The following SPATA13 variants were observed in gnomAD, a reference collection of about 807,000 sequenced individuals.
The protein encoded by SPATA13 is spermatogenesis-associated protein 13.
In SPATA13, 50 loss-of-function variants were observed where a neutral mutation model predicts 104.0. That is an observed-to-expected ratio of 0.48 (90% CI 0.38 to 0.61). The LOEUF (loss-of-function observed/expected upper bound fraction) is 0.61. SPATA13 is among the 20% of genes least tolerant of loss of function. The pLI, the probability that SPATA13 is intolerant of heterozygous loss-of-function variation, is 0.00. For synonymous variants in SPATA13, 606 were observed against 667.5 expected, an observed-to-expected ratio of 0.91 and a Z score of 1.42; for missense variants, 1,524 against 1,690.6, an observed-to-expected ratio of 0.90 and a Z score of 1.73.
chr13:24,198,503 T>A (rs1870215507), intron 1 of SPATA13, among the ~76,000 whole-genome samples: 1 of 152,218 alleles, frequency 6.6e-6, no homozygotes, highest in Non-Finnish European at 1.5e-5. Flanking sequence ...TCAGACGCAG[T>A]TAATAAAATC....
intron 4 of SPATA13, chr13:24,254,311 C>G (rs1400726819): frequency 1.3e-5 from 2 of 152,152 alleles, no homozygotes; most frequent in Non-Finnish European, 2.9e-5. Context: ...ATTAAGTAAT[C>G]CTAAGAAGCC....
chr13:24,163,583 T>C (rs1210093391), intron 1 of SPATA13, among the ~76,000 whole-genome samples: 1 of 152,240 alleles, frequency 6.6e-6, no homozygotes, highest in Non-Finnish European at 1.5e-5. Flanking sequence ...CAAACATTTC[T>C]TTTTTAGTCT....
chr13:23,999,336 A>G (rs1042294311), intron 2 of SPATA13, among the ~76,000 whole-genome samples: 1 of 130,174 alleles, frequency 7.7e-6, no homozygotes, highest in Non-Finnish European at 1.6e-5. Context: ...TTGCATTTCC[A>G]TGTGTTTTAG....
At chr13:24,152,180 C>T (rs1882116678) in intron 3 of SPATA13, among the ~76,000 whole-genome samples, 1 of 152,232 alleles carries the variant, frequency 6.6e-6, no homozygotes, top group South Asian at 2.1e-4. Flanking sequence ...GATCAAGGCA[C>T]CTGTAGATTC....
In SPATA13 at chr13:24,292,927, C is replaced by T. The variant is rs1490947827; in HGVS notation, c.3081-1812C>T. 4.1e-5 allele frequency among the ~76,000 whole-genome samples: 5 copies of T among 121,222 alleles called. No homozygotes were observed. In the Admixed American group the frequency reaches 4.5e-4, roughly 11 times the overall value. 79.5% of individuals were successfully genotyped at this position (121,222 alleles called of 152,430 possible). ...ACGAAAATCGCTTGAACCCAGGAGG[C>T]GGAGGTTGCAATGAGCCGAGATCGC... On this transcript the variant is annotated intron_variant, in intron 9 of 12. Coordinates refer to ENST00000382108, the MANE Select transcript of SPATA13 (RefSeq NM_001166271.3).
chr13:24,144,590 G>T (rs570174408), intron 3 of SPATA13, among the ~76,000 whole-genome samples: 1 of 152,228 alleles, frequency 6.6e-6, no homozygotes, highest in South Asian at 2.1e-4. Flanking sequence ...AGCAGCTCTT[G>T]GGGGCTCTTT....
chr13:24,155,982 G>A (rs1882245853), upstream of SPATA13, among the ~76,000 whole-genome samples: 1 of 152,036 alleles, frequency 6.6e-6, no homozygotes, highest in South Asian at 2.1e-4. Flanking sequence ...ATGTCCTCAG[G>A]GTCCACCTGT....
intron 4 of SPATA13, among the ~76,000 whole-genome samples, chr13:24,254,689 G>T (rs912146): frequency 3.9e-5 from 6 of 152,024 alleles, no homozygotes; most frequent in African/African-American, 1.2e-4. Flanking sequence ...TCAGCTTTCC[G>T]CAAGGGGCTG....
intron 3 of SPATA13, among the ~76,000 whole-genome samples, chr13:24,148,244 G>A (rs576895847): frequency 3.9e-5 from 6 of 152,236 alleles, no homozygotes; most frequent in South Asian, 2.1e-4. Flanking sequence ...GATTACGATC[G>A]TTACTATTGT....
chr13:24,279,810 T>G (rs9511176), intron 4 of SPATA13, among the ~76,000 whole-genome samples: 136,164 of 152,144 alleles, frequency 0.89, 61,356 homozygotes, highest in South Asian at 0.95. Flanking sequence ...CACTCCAGGC[T>G]CCATGACTTT....
At chr13:24,055,602 G>T (rs1349214691) in intron 3 of SPATA13, among the ~76,000 whole-genome samples, 2 of 152,204 alleles carry the variant, frequency 1.3e-5, no homozygotes, top group Non-Finnish European at 2.9e-5. Context: ...GGGATTCTGG[G>T]ATGGTGGCAG....
chr13:24,122,053 GA>G, intron 3 of SPATA13: 1 of 1,552,410 alleles, frequency 6.4e-7, no homozygotes, highest in Non-Finnish European at 8.9e-7. Context: ...CAGCAGGAAA[GA>G]AAGAGATAAC....
At chr13:24,046,386 G>A (rs1338431245) in intron 3 of SPATA13, among the ~76,000 whole-genome samples, 1 of 150,796 alleles carries the variant, frequency 6.6e-6, no homozygotes, top group Non-Finnish European at 1.5e-5. Flanking sequence ...TCTGACTCCT[G>A]GGGTTCAAAT....
At chr13:24,175,809 T>TG (rs1868402767) in intron 1 of SPATA13, among the ~76,000 whole-genome samples, 1 of 152,222 alleles carries the variant, frequency 6.6e-6, no homozygotes, top group South Asian at 2.1e-4. Context: ...GTCATTTTTC[T>TG]TCTCCCACAG....
chr13:24,287,053 C>T (rs1876010890), intron 7 of SPATA13, 103 bp downstream of exon 7: 1 of 953,038 alleles, frequency 1.0e-6, no homozygotes, highest in African/African-American at 1.7e-5. Flanking sequence ...CATCAGGCTC[C>T]CACATGTATG....
intron 4 of SPATA13, among the ~76,000 whole-genome samples, chr13:24,279,044 T>C (rs1200883129): frequency 7.0e-6 from 1 of 143,688 alleles, no homozygotes; most frequent in Non-Finnish European, 1.5e-5. Flanking sequence ...GGAACACAGT[T>C]AAGAATAAAG....
Position 24,224,204 on chromosome 13 carries a change from C to T in SPATA13, c.1275C>T (p.Ser425=). 1 of 1,551,750 alleles carries T rather than the reference C, an allele frequency of 6.4e-7. No individual in the cohort carries two copies. The highest frequency in any genetic ancestry group is 8.7e-7 in the Non-Finnish European group (1 of 1,147,008). Residue 425 remains serine (S), a synonymous_variant, in exon 2 of 13, where the codon TCC becomes TCT. Coordinates refer to ENST00000382108, the MANE Select transcript of SPATA13 (RefSeq NM_001166271.3). The part of the protein sequence containing the change: ...KSSWAVESDS[S]CTCSSLPSPI... ...CCTGGGCGGTGGAAAGCGACAGTTCCTGCACTTGCAGCTCTTTGCCAAGCC... is the reference window on the plus strand; with the variant it reads ...CCTGGGCGGTGGAAAGCGACAGTTCTTGCACTTGCAGCTCTTTGCCAAGCC...
intron 9 of SPATA13, among the ~76,000 whole-genome samples, chr13:24,294,503 A>G (rs760632590): frequency 1.3e-5 from 2 of 152,210 alleles, no homozygotes; most frequent in Non-Finnish European, 2.9e-5. Flanking sequence ...CTGGGAAATG[A>G]GTGAAAACAT....
intron 2 of SPATA13, among the ~76,000 whole-genome samples, chr13:23,994,070 G>T (rs1003715961): frequency 1.3e-5 from 2 of 150,578 alleles, no homozygotes; most frequent in Non-Finnish European, 2.9e-5. Context: ...TGGCGTCACA[G>T]CCTGTTCTTG....
Sources: gnomAD v4.1 joint callset for allele counts (sites outside exome capture counted in the v4.1 genomes callset) on GRCh38, gnomAD v4.1.1 for gene constraint, MANE v1.5 for transcripts, NCBI Gene and HGNC (gene_info 2026-07-23, HGNC 2026-07-21) for gene names.